The following RNF31 variants were observed in gnomAD, a reference collection of about 807,000 sequenced individuals.
The protein encoded by RNF31 is E3 ubiquitin-protein ligase RNF31.
RNF31 carries 38 observed loss-of-function variants against 133.6 expected under a neutral mutation model. The ratio of observed to expected loss-of-function variants is 0.28; its 90% confidence interval spans 0.22 to 0.37. The LOEUF (loss-of-function observed/expected upper bound fraction) is 0.37. RNF31 is among the 10% of genes least tolerant of loss of function. The pLI is 1.00. For missense variants in RNF31, 1,118 were observed against 1,394.1 expected (o/e 0.80, Z 3.15); for synonymous variants, 582 against 552.3 (o/e 1.05, Z -0.75).
At position 24,157,382 on chromosome 14, in the gene RNF31, G is replaced by A. The variant is rs371517926; in HGVS notation, c.2586G>A (p.Met862Ile). 1 of 1,610,376 alleles carries A rather than the reference G, an allele frequency of 6.2e-7. No homozygotes were observed. The highest frequency in any genetic ancestry group is 8.5e-7 in the Non-Finnish European group (1 of 1,177,038). Reference protein sequence around the residue: ...DPEYQAQGLAMYLQENGIDCP... With the variant: ...DPEYQAQGLAIYLQENGIDCP... The stretch of plus-strand genomic sequence containing the variant: ...AATACCAGGCCCAGGGCCTAGCAAT[G>A]TATCTTCAGGAAAACGGCATTGGTA... The change falls in exon 15 of 21, where the codon ATG becomes ATA. Residue 862 changes from methionine (M) to isoleucine (I), a missense_variant. By Grantham distance (10) the Met-to-Ile change is conservative (BLOSUM62 1). Coordinates refer to ENST00000324103, the MANE Select transcript of RNF31 (RefSeq NM_017999.5).
chr14:24,155,406 G>T lies in RNF31; in HGVS notation c.2305-8G>T, dbSNP rs965767326. On this transcript the variant is annotated splice_region_variant and splice_polypyrimidine_tract_variant and intron_variant, in intron 12 of 20. Transcript: ENST00000324103. The surrounding 1 kb of genome is among the most constrained non-coding windows in gnomAD (Gnocchi z 4.9). Reference sequence around the variant, plus strand: ...CTCCCACCCACCACCTCTGCATCCTGTCCCCAGCTTCGCGAGAGCCTAGAG... The same window carrying T: ...CTCCCACCCACCACCTCTGCATCCTTTCCCCAGCTTCGCGAGAGCCTAGAG... The T allele has an allele frequency of 1.2e-6, 2 of 1,613,936 alleles. No individual in the cohort carries two copies. Among genetic ancestry groups the T allele is most frequent in the African/African-American group, 2.7e-5 (2 of 74,880 alleles).
rs779057611 is a variant in RNF31, at chr14:24,150,764, G to A, written c.1364G>A (p.Gly455Glu). 6 of 1,612,218 alleles carry A rather than the reference G, an allele frequency of 3.7e-6. No homozygotes were observed. The highest frequency in any genetic ancestry group is 5.1e-6 in the Non-Finnish European group (6 of 1,179,248). The change falls in exon 8 of 21, where the codon GGA becomes GAA. Residue 455 changes from glycine to glutamate, a missense_variant. Coordinates refer to ENST00000324103, the MANE Select transcript of RNF31 (RefSeq NM_017999.5). ...CCCTATGCCAGCTCTTTGGAAAAGG[G>A]ACCCCCCAAGCCTGGGCCCCCACGA... is the stretch of plus-strand genomic sequence containing the variant. ...PRPYASSLEKGPPKPGPPRRL... is the reference protein window; with the variant it reads ...PRPYASSLEKEPPKPGPPRRL...
upstream of RNF31, chr14:24,147,260 C>G (rs1259002494): frequency 5.9e-6 from 1 of 170,484 alleles, no homozygotes; most frequent in Non-Finnish European, 1.2e-5. Flanking sequence ...AGGATAACCC[C>G]GCGCCTGCGG....
chr14:24,147,441 C>G (rs1419094948), upstream of RNF31: 1 of 360,758 alleles, frequency 2.8e-6, no homozygotes, highest in Non-Finnish European at 4.9e-6. Context: ...CCGCTCCAAC[C>G]TTAACCTTAA....
rs528644130 is a variant in RNF31, at chr14:24,151,064, C to T, written c.1489-67C>T. On this transcript the variant is annotated intron_variant, in intron 8 of 20. Transcript: ENST00000324103. The surrounding 1 kb of genome is among the most constrained non-coding windows in gnomAD (Gnocchi z 5.3). ...CCATATGTCTGAGCTGAGCCACTGT[C>T]ACCATCTTAGTTCAGGCTGAGGGTG... 6.3e-7 allele frequency: 1 copy of T among 1,594,890 alleles called. No homozygotes were observed. The highest frequency in any genetic ancestry group is 8.6e-7 in the Non-Finnish European group (1 of 1,168,948).
chr14:24,158,213 C>T lies in RNF31; in HGVS notation c.2899+14C>T. ...CAGTCCCTGGAGGTGAGTGTTAGGA[C>T]AAGCCTTTGAGAAGAGGAGATGGTG... On this transcript the variant is annotated intron_variant, in intron 18 of 20. Coordinates refer to ENST00000324103, the MANE Select transcript of RNF31 (RefSeq NM_017999.5). 2.5e-6 allele frequency: 4 copies of T among 1,613,208 alleles called. No individual in the cohort carries two copies. The highest frequency in any genetic ancestry group is 3.4e-6 in the Non-Finnish European group (4 of 1,179,206).
chr14:24,158,260 T>C, intron 18 of RNF31, 61 bp downstream of exon 18: 1 of 1,519,190 alleles, frequency 6.6e-7, no homozygotes, highest in East Asian at 2.3e-5. Context: ...CACCGTGTGA[T>C]GGGTAAAGGG....
At position 24,151,419 on chromosome 14, in the gene RNF31, G is replaced by A. The variant is rs117202251; in HGVS notation, c.1737+40G>A. On this transcript the variant is annotated intron_variant, in intron 9 of 20. Transcript: ENST00000324103. The surrounding 1 kb of genome is among the most constrained non-coding windows in gnomAD (Gnocchi z 5.3). ...GGATATGGGATAGGGTCGAGAGTCTGCATCTCTCACACTCTCCCTTGCTTG... is the reference window on the plus strand; with the variant it reads ...GGATATGGGATAGGGTCGAGAGTCTACATCTCTCACACTCTCCCTTGCTTG... 1,862 of 1,613,294 alleles carry A rather than the reference G, an allele frequency of 1.2e-3. 35 individuals carry two copies. The East Asian group carries it at 0.035, about 30-fold the overall frequency.
rs1238494349 is a variant in RNF31, at chr14:24,157,623, CT to C, written c.2716del (p.Tyr906ThrfsTer13). On this transcript the variant is annotated frameshift_variant, in exon 16 of 21. Transcript: ENST00000324103. LOFTEE classifies it high-confidence loss of function. ...HQFCSGCYNA[F>X]YAKNKCPEPN... ...AGTTCTGCAGCGGCTGCTACAATGC[CT>C]TTTACGCCAAGAATGTAAGCCCAGA... is the stretch of plus-strand genomic sequence containing the variant. The C allele has an allele frequency of 1.9e-6, 3 of 1,613,912 alleles. No homozygotes were observed. Among genetic ancestry groups the C allele is most frequent in the Non-Finnish European group, 2.5e-6 (3 of 1,179,848 alleles).
chr14:24,153,570 C>T (rs1350917266), intron 11 of RNF31, among the ~76,000 whole-genome samples: 2 of 150,752 alleles, frequency 1.3e-5, no homozygotes, highest in Admixed American at 6.6e-5. Context: ...GAATGAGATT[C>T]CGTCTCAAAA....
Position 24,155,127 on chromosome 14 carries a change from C to T in RNF31, c.2131-30C>T, listed in dbSNP as rs372668516. On this transcript the variant is annotated intron_variant, in intron 11 of 20. Coordinates refer to ENST00000324103, the MANE Select transcript of RNF31 (RefSeq NM_017999.5). The surrounding 1 kb of genome is among the most constrained non-coding windows in gnomAD (Gnocchi z 4.9). Reference sequence around the variant, plus strand: ...CTAGCCTGGCAGCTGTGGCTTCTGACCCCCTCCCCTCCAACCCCTCACCCT... The same window carrying T: ...CTAGCCTGGCAGCTGTGGCTTCTGATCCCCTCCCCTCCAACCCCTCACCCT... The T allele has an allele frequency of 2.7e-5, 44 of 1,603,856 alleles. No individual in the cohort carries two copies. The highest frequency in any genetic ancestry group is 3.6e-5 in the Non-Finnish European group (42 of 1,172,450).
intron 11 of RNF31, among the ~76,000 whole-genome samples, chr14:24,152,639 G>A (rs1049921535): frequency 3.3e-5 from 5 of 152,058 alleles, no homozygotes; most frequent in Admixed American, 6.6e-5. Context: ...GGCTGGTCTC[G>A]AGCTCTTGAC....
chr14:24,153,110 T>A (rs925105270), intron 11 of RNF31, among the ~76,000 whole-genome samples: 3 of 151,744 alleles, frequency 2.0e-5, no homozygotes, highest in African/African-American at 7.3e-5. Flanking sequence ...TACTGTTCAT[T>A]TTTGTGTGTG....
Position 24,160,301 on chromosome 14 carries a change from T to C in RNF31, c.3059T>C (p.Leu1020Ser), listed in dbSNP as rs1359718059. The change falls in exon 20 of 21, where the codon TTG becomes TCG. Residue 1020 changes from leucine (L) to serine (S), a missense_variant. Physicochemically the swap from Leu to Ser is moderately radical, Grantham distance 145. Transcript: ENST00000324103. This position sits in a 1 kb window ranked among gnomAD's most constrained non-coding sequence, Gnocchi z 4.0. ...INAHSLDPAT[L>S]YEVEELETAT... The stretch of plus-strand genomic sequence containing the variant: ...GCCCACTCGCTGGACCCAGCCACCT[T>C]GTATGAGGTGGAAGAGCTGGAGACG... 2 of 1,613,998 alleles carry C rather than the reference T, an allele frequency of 1.2e-6. No individual in the cohort carries two copies. The highest frequency in any genetic ancestry group is 1.7e-6 in the Non-Finnish European group (2 of 1,179,986).
At chr14:24,159,032 C>CAA (rs529900287) in intron 18 of RNF31, among the ~76,000 whole-genome samples, 21 of 54,422 alleles carry the variant, frequency 3.9e-4, no homozygotes, top group South Asian at 7.2e-4. Context: ...GACTTCGTCT[C>CAA]AAAAAAAAAA....
chr14:24,158,901 C>A (rs11627281), intron 18 of RNF31, among the ~76,000 whole-genome samples: 1 of 151,406 alleles, frequency 6.6e-6, no homozygotes, highest in Non-Finnish European at 1.5e-5. Context: ...GGCGTGGTGG[C>A]GGGCGCCTGT....
rs781322712 is a variant in RNF31, at chr14:24,148,009, C to G, written c.226C>G (p.Leu76Val). The stretch of plus-strand genomic sequence containing the variant: ...CTACCTCAACACCCTGTCCACGGCT[C>G]TGAACATCCTGGAGAAATACGGCCG... ...RNYLNTLSTA[L>V]NILEKYGRNL... The change falls in exon 2 of 21, where the codon CTG becomes GTG. Residue 76 changes from leucine (L) to valine (V), a missense_variant. Around this residue, in one of 3 missense-constraint regions of RNF31, gnomAD observed 747 missense variants for 827.9 expected, o/e 0.90. Transcript: ENST00000324103. 4 of 1,614,134 alleles carry G rather than the reference C, an allele frequency of 2.5e-6. No individual in the cohort carries two copies. In the African/African-American group the frequency reaches 5.3e-5, roughly 22 times the overall value.
Position 24,160,559 on chromosome 14 carries a change from C to T in RNF31, c.3205C>T (p.Arg1069Cys), listed in dbSNP as rs570337131. Residue 1069 changes from arginine to cysteine, a missense_variant, in exon 21 of 21, where the codon CGC becomes TGC. Physicochemically the swap from Arg to Cys is radical, Grantham distance 180. Coordinates refer to ENST00000324103, the MANE Select transcript of RNF31 (RefSeq NM_017999.5). This position sits in a 1 kb window ranked among gnomAD's most constrained non-coding sequence, Gnocchi z 4.0. ...EEVPLGQSIP[R>C]RRK ...GGTACCCTTGGGACAGAGTATCCCC[C>T]GCAGGCGGAAGTAGCTGAGGGCAAG... 12 of 1,535,932 alleles carry T rather than the reference C, an allele frequency of 7.8e-6. No homozygotes were observed. The highest frequency in any genetic ancestry group is 4.1e-5 in the African/African-American group (3 of 72,566).
chr14:24,147,952 C>T (rs1262217448), intron 1 of RNF31, 24 bp from the exon 2 acceptor site: 2 of 1,614,006 alleles, frequency 1.2e-6, no homozygotes, highest in Non-Finnish European at 1.7e-6. Context: ...CACGCTCACA[C>T]CTCTCTGCTC....
Sources: gnomAD v4.1 joint callset for allele counts (sites outside exome capture counted in the v4.1 genomes callset) on GRCh38, gnomAD v4.1.1 for gene constraint, gnomAD v4.1.1 regional missense constraint, Gnocchi (gnomAD v3.1) non-coding constraint, MANE v1.5 for transcripts, NCBI Gene and HGNC (gene_info 2026-07-23, HGNC 2026-07-21) for gene names.